Variants in TMEM123 observed in about 807,000 individuals in gnomAD.
The protein encoded by TMEM123 is transmembrane protein 123.
Under a neutral mutation model 19.7 loss-of-function variants are expected in TMEM123, and 16 were observed. The observed-to-expected ratio is 0.81, with a 90% CI of 0.55 to 1.23. TMEM123 has a LOEUF of 1.23. Ranked by LOEUF, TMEM123 falls within the 50% of genes most tolerant of loss-of-function variation. The pLI is 0.00. For missense variants in TMEM123, 313 were observed against 257.8 expected, an observed-to-expected ratio of 1.21 and a Z score of -1.47; for synonymous variants, 118 against 99.4, an observed-to-expected ratio of 1.19 and a Z score of -1.12.
intron 2 of TMEM123, among the ~76,000 whole-genome samples, chr11:102,437,163 A>C (rs1159538597): frequency 6.6e-6 from 1 of 152,002 alleles, no homozygotes; most frequent in Non-Finnish European, 1.5e-5. Flanking sequence ...CTCACTGTTT[A>C]TCTCTTCTAA....
Position 102,398,565 on chromosome 11 carries a change from G to T in TMEM123, c.*302C>A. On this transcript the variant is annotated 3_prime_UTR_variant, in exon 5 of 5. Transcript: ENST00000398136. ...TCAGTGATGACGTCTTTCAATTACT[G>T]GTCATATGTGACCAATGCCCCCACC... is the stretch of plus-strand genomic sequence containing the variant. 1 of 486,944 alleles carries T rather than the reference G, an allele frequency of 2.1e-6. No homozygotes were observed. The highest frequency in any genetic ancestry group is 3.5e-6 in the Non-Finnish European group (1 of 282,994). The allele number at this position is 486,944 out of a possible 1,614,324, so 30.2% of individuals were successfully genotyped here.
chr11:102,426,158 T>G (rs1221578598), intron 2 of TMEM123, among the ~76,000 whole-genome samples: 2 of 152,204 alleles, frequency 1.3e-5, no homozygotes, highest in Non-Finnish European at 2.9e-5. Context: ...CCTCTAAATA[T>G]CAAAAGGAAG....
chr11:102,436,089 A>C (rs900895413), intron 2 of TMEM123, among the ~76,000 whole-genome samples: 6 of 151,934 alleles, frequency 3.9e-5, no homozygotes, highest in East Asian at 1.9e-4. Context: ...AAATGCATGA[A>C]GTTTCCTTAA....
chr11:102,449,937 A>G (rs1330879804), intron 1 of TMEM123, among the ~76,000 whole-genome samples: 9 of 152,226 alleles, frequency 5.9e-5, no homozygotes, highest in Non-Finnish European at 1.2e-4. Flanking sequence ...CTAAGCCTGC[A>G]GATATGAGTG....
At chr11:102,428,631 A>C (rs926983579) in intron 2 of TMEM123, among the ~76,000 whole-genome samples, 2 of 152,008 alleles carry the variant, frequency 1.3e-5, no homozygotes, top group Non-Finnish European at 2.9e-5. Flanking sequence ...AAGTCATTTT[A>C]AAGAAGTGTT....
At position 102,401,990 on chromosome 11, in the gene TMEM123, G is replaced by A; in HGVS notation, c.374C>T (p.Thr125Ile). The A allele has an allele frequency of 1.2e-6, 2 of 1,614,176 alleles. No homozygotes were observed. The change falls in exon 3 of 5, where the codon ACA (threonine) becomes ATA (isoleucine). Residue 125 changes from threonine to isoleucine, a missense_variant. Coordinates refer to ENST00000398136, the MANE Select transcript of TMEM123 (RefSeq NM_052932.3). Reference protein sequence around the residue: ...TPKTTSVSQNTSQISTSTMTV... With the variant: ...TPKTTSVSQNISQISTSTMTV... ...CATTGTGGATGTTGATATCTGAGAT[G>A]TGTTCTGTGAAACACTTGTTGTTTT...
chr11:102,415,927 A>G (rs564758382), intron 2 of TMEM123, among the ~76,000 whole-genome samples: 2 of 141,982 alleles, frequency 1.4e-5, no homozygotes, highest in South Asian at 4.5e-4. Flanking sequence ...TATCATCATT[A>G]TTTTTGAGAT....
In TMEM123 at chr11:102,436,798, G is replaced by C. The variant is rs1857767469; in HGVS notation, c.157+12014C>G. ...AAGCCTGCCTGCTCTCTGTGAAAAA[G>C]GAGTATTTAATGCAAAAGAAAGACA... On this transcript the variant is annotated intron_variant, in intron 2 of 4. Transcript: ENST00000398136. 1.3e-5 allele frequency among the ~76,000 whole-genome samples: 2 copies of C among 152,112 alleles called. 1 individual carries two copies. The highest frequency in any genetic ancestry group is 4.1e-4 in the South Asian group (2 of 4,824).
In TMEM123 at chr11:102,401,800, A is replaced by C; in HGVS notation, c.449-108T>G. Reference sequence around the variant, plus strand: ...GTTAAGAACATTTAATTAGGAATTAAGGGAAATCTAGGCATATAAAGTTTC... The same window carrying C: ...GTTAAGAACATTTAATTAGGAATTACGGGAAATCTAGGCATATAAAGTTTC... On this transcript the variant is annotated intron_variant, in intron 3 of 4. Transcript: ENST00000398136. 3 of 1,492,542 alleles carry C rather than the reference A, an allele frequency of 2.0e-6. No individual in the cohort carries two copies. In the South Asian group the frequency reaches 4.1e-5, roughly 21 times the overall value. 92.5% of individuals were successfully genotyped at this position (1,492,542 alleles called of 1,614,324 possible).
intron 2 of TMEM123, among the ~76,000 whole-genome samples, chr11:102,440,705 C>A (rs1316707675): frequency 6.6e-6 from 1 of 152,172 alleles, no homozygotes; most frequent in Non-Finnish European, 1.5e-5. Flanking sequence ...ACAATATTAA[C>A]CTTAAATGTA....
Position 102,408,045 on chromosome 11 carries a change from A to C in TMEM123, c.158-5839T>G, listed in dbSNP as rs184261120. 1.7e-3 allele frequency among the ~76,000 whole-genome samples: 262 copies of C among 152,326 alleles called. 1 individual carries two copies. Among genetic ancestry groups the C allele is most frequent in the Admixed American group, 3.5e-3 (53 of 15,288 alleles). Reference sequence around the variant, plus strand: ...CATGATATGAAGTAAGTCCATAAATACTTGTCAAACCACTCACAAAACTTG... The same window carrying C: ...CATGATATGAAGTAAGTCCATAAATCCTTGTCAAACCACTCACAAAACTTG... On this transcript the variant is annotated intron_variant, in intron 2 of 4. Transcript: ENST00000398136.
At position 102,424,046 on chromosome 11, in the gene TMEM123, T is replaced by C. The variant is rs528740605; in HGVS notation, c.158-21840A>G. 1.1e-4 allele frequency among the ~76,000 whole-genome samples: 17 copies of C among 152,326 alleles called. No individual in the cohort carries two copies. The South Asian group carries it at 3.1e-3, about 28-fold the overall frequency. Reference sequence around the variant, plus strand: ...GACACACTGCTAACAAGTTCTATTATGTGGTTTCCTAGTTGACTGCTGATT... The same window carrying C: ...GACACACTGCTAACAAGTTCTATTACGTGGTTTCCTAGTTGACTGCTGATT... On this transcript the variant is annotated intron_variant, in intron 2 of 4. Transcript: ENST00000398136.
intron 2 of TMEM123, among the ~76,000 whole-genome samples, chr11:102,430,913 G>A (rs1857695148): frequency 6.6e-6 from 1 of 152,168 alleles, no homozygotes; most frequent in Admixed American, 6.5e-5. Context: ...CATACTGGGT[G>A]GGGATGACAT....
rs532247806 is a variant in TMEM123 at position 102,425,642 on chromosome 11, G to A, written c.157+23170C>T. On this transcript the variant is annotated intron_variant, in intron 2 of 4. Coordinates refer to ENST00000398136, the MANE Select transcript of TMEM123 (RefSeq NM_052932.3). The stretch of plus-strand genomic sequence containing the variant: ...CTGTTGCCCAGGCTAGAAGTGCAGT[G>A]GCATGGTTGCAGCTCACTGTAGCCT... 4.6e-4 allele frequency among the ~76,000 whole-genome samples: 65 copies of A among 142,582 alleles called. 1 individual carries two copies. The South Asian group carries it at 0.014, about 30-fold the overall frequency. 93.5% of individuals were successfully genotyped at this position (142,582 alleles called of 152,430 possible). A position where few individuals can be genotyped will look rare whatever the true frequency, so the allele number is the denominator to read the frequency against.
chr11:102,438,053 TTTA>T (rs148927840), intron 2 of TMEM123, among the ~76,000 whole-genome samples: 1,572 of 152,170 alleles, frequency 0.01, 25 homozygotes, highest in African/African-American at 0.036. Context: ...ACCCTGTTTA[TTTA>T]TTATTATTAT....
chr11:102,423,990 A>G (rs959012508), intron 2 of TMEM123, among the ~76,000 whole-genome samples: 1 of 152,242 alleles, frequency 6.6e-6, no homozygotes, highest in Non-Finnish European at 1.5e-5. Flanking sequence ...CATCTCCTGT[A>G]AAAGAAAAGA....
chr11:102,415,745 C>T (rs1408854481), intron 2 of TMEM123, among the ~76,000 whole-genome samples: 1 of 152,158 alleles, frequency 6.6e-6, no homozygotes, highest in African/African-American at 2.4e-5. Flanking sequence ...AATTAACAAC[C>T]TAACTTTACA....
At position 102,397,651 on chromosome 11, in the gene TMEM123, C is replaced by T. The variant is rs138887767; in HGVS notation, c.*1216G>A. On this transcript the variant is annotated 3_prime_UTR_variant, in exon 5 of 5. Coordinates refer to ENST00000398136, the MANE Select transcript of TMEM123 (RefSeq NM_052932.3). ...AATCAGGAAGGAGGAAATGTCCTCT[C>T]TAAAAATTCCTCTCAAAACTTTCTA... 216 of 152,276 alleles carry T rather than the reference C, an allele frequency of 1.4e-3. 1 individual carries two copies. The highest frequency in any genetic ancestry group is 5.1e-3 in the African/African-American group (213 of 41,560). The allele number at this position is 152,276 out of a possible 1,614,324, so 9.4% of individuals were successfully genotyped here. A position where few individuals can be genotyped will look rare whatever the true frequency, so the allele number is the denominator to read the frequency against.
chr11:102,446,213 G>C (rs1283088273), intron 2 of TMEM123, among the ~76,000 whole-genome samples: 1 of 152,184 alleles, frequency 6.6e-6, no homozygotes, highest in Non-Finnish European at 1.5e-5. Context: ...TGTCTTCCTT[G>C]CACTATAAAG....
Sources: allele counts gnomAD v4.1 joint callset (sites outside exome capture counted in the v4.1 genomes callset), GRCh38; gene constraint gnomAD v4.1.1; transcripts MANE v1.5; gene names NCBI Gene and HGNC (gene_info 2026-07-23, HGNC 2026-07-21).